Variants in ACTL8 observed in about 807,000 individuals in gnomAD.
ACTL8 encodes actin like 8.
Under a neutral mutation model 9.3 loss-of-function variants are expected in ACTL8, and 3 were observed. The ratio of observed to expected loss-of-function variants is 0.32; its 90% CI spans 0.15 to 0.83. The LOEUF (loss-of-function observed/expected upper bound fraction) is 0.83. Ranked by LOEUF, ACTL8 falls within the 40% of genes least tolerant of loss-of-function variation. ACTL8 has a pLI of 0.57. For missense variants in ACTL8, 381 were observed against 492.2 expected (o/e 0.77, Z 2.14); for synonymous variants, 224 against 205.9 (o/e 1.09, Z -0.75).
At chr1:17,776,423 T>C (rs2102680901) in intron 1 of ACTL8, among the ~76,000 whole-genome samples, 1 of 152,248 alleles carries the variant, frequency 6.6e-6, no homozygotes, top group South Asian at 2.1e-4. Flanking sequence ...TTCCTCCTGT[T>C]TTGGCCCTCC....
intron 1 of ACTL8, among the ~76,000 whole-genome samples, chr1:17,782,518 C>A (rs1223802291): frequency 6.6e-6 from 1 of 152,124 alleles, no homozygotes; most frequent in African/African-American, 2.4e-5. Context: ...GGGTATATGA[C>A]CTTCTGAACC....
chr1:17,819,365 ACGCT>A (rs1488918447), intron 1 of ACTL8, among the ~76,000 whole-genome samples: 1 of 152,034 alleles, frequency 6.6e-6, no homozygotes, highest in Non-Finnish European at 1.5e-5. Context: ...CTCCATCTCC[ACGCT>A]CCTTCTTGGC....
Position 17,767,563 on chromosome 1 carries a change from C to G in ACTL8, c.-25+12059C>G, listed in dbSNP as rs879420350. Among the ~76,000 whole-genome samples the G allele has an allele frequency of 6.6e-6, 1 of 152,126 alleles. No homozygotes were observed. The highest frequency in any genetic ancestry group is 1.5e-5 in the Non-Finnish European group (1 of 68,030). ...AGCCCGTGGCTGGGTGCATGGCTCC[C>G]GGGCACTGCTCTTTTGTGGCTGCCT... On this transcript the variant is annotated intron_variant, in intron 1 of 2. Coordinates refer to ENST00000375406, the MANE Select transcript of ACTL8 (RefSeq NM_030812.3). The surrounding 1 kb of genome is among the most constrained non-coding windows in gnomAD (Gnocchi z 4.7).
chr1:17,785,404 A>G (rs960914456), intron 1 of ACTL8, among the ~76,000 whole-genome samples: 6 of 152,250 alleles, frequency 3.9e-5, no homozygotes, highest in Admixed American at 2.0e-4. Flanking sequence ...TCCATTCTGC[A>G]ACATGTCTCT....
At chr1:17,786,709 A>T (rs532808996) in intron 1 of ACTL8, among the ~76,000 whole-genome samples, 25 of 152,144 alleles carry the variant, frequency 1.6e-4, no homozygotes, top group South Asian at 6.2e-4. Context: ...TTTAATTATT[A>T]TTTTTTTAGA....
rs1216156631 is a variant in ACTL8, at chr1:17,767,303, C to CT, written c.-25+11801dup. ...GGTTGCATCGGATGATAGGATCCGA[C>CT]TTCGCTGCTGGAGACAGAGCCGGGG... On this transcript the variant is annotated intron_variant, in intron 1 of 2. Coordinates refer to ENST00000375406, the MANE Select transcript of ACTL8 (RefSeq NM_030812.3). This position sits in a 1 kb window ranked among gnomAD's most constrained non-coding sequence, Gnocchi z 4.7. Among the ~76,000 whole-genome samples, 15 of 152,046 alleles carry CT rather than the reference C, an allele frequency of 9.9e-5. No homozygotes were observed. Among genetic ancestry groups the CT allele is most frequent in the Admixed American group, 2.0e-4 (3 of 15,276 alleles).
intron 1 of ACTL8, among the ~76,000 whole-genome samples, chr1:17,778,862 G>C (rs186314597): frequency 6.6e-6 from 1 of 152,140 alleles, no homozygotes; most frequent in Non-Finnish European, 1.5e-5. Flanking sequence ...TTTGGTGCTC[G>C]TGTGTTGGGC....
intron 1 of ACTL8, among the ~76,000 whole-genome samples, chr1:17,811,329 A>C (rs79927086): frequency 0.02 from 3,061 of 152,274 alleles, 104 homozygotes; most frequent in African/African-American, 0.07. Flanking sequence ...GTCTTTATAT[A>C]TTCTGGATAC....
intron 1 of ACTL8, among the ~76,000 whole-genome samples, chr1:17,780,838 G>A (rs911111825): frequency 2.0e-5 from 3 of 152,114 alleles, no homozygotes; most frequent in African/African-American, 7.2e-5. Flanking sequence ...GGGAGCCCTG[G>A]CCTGGACATT....
At chr1:17,808,497 C>T (rs747986908) in intron 1 of ACTL8, among the ~76,000 whole-genome samples, 1 of 152,216 alleles carries the variant, frequency 6.6e-6, no homozygotes, top group African/African-American at 2.4e-5. Flanking sequence ...ATCTTGACTA[C>T]ACTCAAAGGT....
intron 1 of ACTL8, among the ~76,000 whole-genome samples, chr1:17,796,306 C>CTGTGTGTGTG (rs3063168): frequency 0.021 from 3,177 of 147,986 alleles, 45 homozygotes; most frequent in East Asian, 0.068. Context: ...ATGCGTGCAC[C>CTGTGTGTGTG]TGTGTGTGTG....
intron 1 of ACTL8, among the ~76,000 whole-genome samples, chr1:17,774,588 G>A (rs1157628732): frequency 6.6e-6 from 1 of 152,146 alleles, no homozygotes; most frequent in African/African-American, 2.4e-5. Context: ...TCAGGGGGAA[G>A]GGTGTTCAGG....
chr1:17,787,670 ATT>A lies in ACTL8; in HGVS notation c.-25+32177_-25+32178del, dbSNP rs71018040. Reference sequence around the variant, plus strand: ...TTGATGGGTATTTGTTTCATTTCTCATTTTTTTTTTTTGCCATAATAAATAGC... The same window carrying A: ...TTGATGGGTATTTGTTTCATTTCTCATTTTTTTTTTGCCATAATAAATAGC... On this transcript the variant is annotated intron_variant, in intron 1 of 2. Coordinates refer to ENST00000375406, the MANE Select transcript of ACTL8 (RefSeq NM_030812.3). Among the ~76,000 whole-genome samples, 1,252 of 145,510 alleles carry A rather than the reference ATT, an allele frequency of 8.6e-3. 18 individuals are homozygous for A. The highest frequency in any genetic ancestry group is 0.028 in the African/African-American group (1,120 of 39,770).
chr1:17,816,121 T>A (rs1253688834), intron 1 of ACTL8, among the ~76,000 whole-genome samples: 1 of 152,146 alleles, frequency 6.6e-6, no homozygotes, highest in African/African-American at 2.4e-5. Flanking sequence ...GAACTTACTG[T>A]CAGCGAATTT....
chr1:17,820,823 C>T (rs1570047407), intron 1 of ACTL8, among the ~76,000 whole-genome samples: 1 of 152,138 alleles, frequency 6.6e-6, no homozygotes, highest in South Asian at 2.1e-4. Context: ...GTGATCTGCC[C>T]GTCTTGGCCT....
intron 1 of ACTL8, among the ~76,000 whole-genome samples, chr1:17,786,017 G>T (rs1405043231): frequency 6.6e-6 from 1 of 152,166 alleles, no homozygotes; most frequent in African/African-American, 2.4e-5. Context: ...GTGACTGAGG[G>T]CTCCAGCCTA....
chr1:17,822,486 A>G (rs902779789), intron 1 of ACTL8, among the ~76,000 whole-genome samples: 8 of 152,192 alleles, frequency 5.3e-5, no homozygotes, highest in African/African-American at 1.4e-4. Flanking sequence ...AGCTGCTGCC[A>G]TGCTCACTAA....
chr1:17,812,427 C>CTTTTTTTTTTTTTTTTTT (rs141182523), intron 1 of ACTL8, among the ~76,000 whole-genome samples: 10 of 122,422 alleles, frequency 8.2e-5, no homozygotes, highest in African/African-American at 2.4e-4. Flanking sequence ...ATTTTTTTTC[C>CTTTTTTTTTTTTTTTTTT]TTTTTTTTTT....
At chr1:17,820,314 A>G (rs538869590) in intron 1 of ACTL8, among the ~76,000 whole-genome samples, 6 of 152,252 alleles carry the variant, frequency 3.9e-5, no homozygotes, top group African/African-American at 1.4e-4. Flanking sequence ...ATTTATGCAC[A>G]TATTCATGTT....
Sources: gnomAD v4.1 joint callset for allele counts (sites outside exome capture counted in the v4.1 genomes callset) on GRCh38, gnomAD v4.1.1 for gene constraint, Gnocchi (gnomAD v3.1) non-coding constraint, MANE v1.5 for transcripts, NCBI Gene and HGNC (gene_info 2026-07-23, HGNC 2026-07-21) for gene names.